The following PTPN13 variants were observed in gnomAD, a reference collection of about 807,000 sequenced individuals.
PTPN13 encodes tyrosine-protein phosphatase non-receptor type 13.
In PTPN13, 191 loss-of-function variants were observed where a neutral mutation model predicts 284.0. The observed-to-expected ratio is 0.67, with a 90% CI of 0.60 to 0.76. The LOEUF (loss-of-function observed/expected upper bound fraction) is 0.76, where lower values mean the gene tolerates loss of function less well. Among genes scored for constraint, PTPN13 ranks in the 30% least tolerant of loss-of-function variants. PTPN13 has a pLI of 0.00. For missense variants in PTPN13, 2,797 were observed against 2,939.9 expected, an observed-to-expected ratio of 0.95 and a Z score of 1.12; for synonymous variants, 986 against 1,022.3, an observed-to-expected ratio of 0.96 and a Z score of 0.68.
At position 86,751,026 on chromosome 4, in the gene PTPN13, G is replaced by GT. The variant is rs781536966; in HGVS notation, c.3070dup (p.Ser1024PhefsTer9). The GT allele has an allele frequency of 1.2e-6, 2 of 1,601,576 alleles. No homozygotes were observed. The highest frequency in any genetic ancestry group is 3.3e-5 in the Admixed American group (2 of 59,728). The stretch of plus-strand genomic sequence containing the variant: ...CTCCTACCTTCCTTTTCCCTCTTCA[G>GT]TTCAAAGTCTGTTGCGAGTTTAAAT... On this transcript the variant is annotated frameshift_variant and splice_region_variant. Coordinates refer to ENST00000411767, the MANE Select transcript of PTPN13 (RefSeq NM_080683.3). LOFTEE classifies it high-confidence loss of function.
intron 2 of PTPN13, among the ~76,000 whole-genome samples, chr4:86,640,046 C>G (rs922235976): frequency 6.6e-6 from 1 of 152,072 alleles, no homozygotes; most frequent in African/African-American, 2.4e-5. Flanking sequence ...ACAGGAAGGT[C>G]TAGAGACAGG....
Position 86,767,829 on chromosome 4 carries a change from T to C in PTPN13, c.4342T>C (p.Leu1448=), listed in dbSNP as rs560176147. The C allele has an allele frequency of 1.4e-5, 22 of 1,579,902 alleles. No homozygotes were observed. The Admixed American group carries it at 2.4e-4, about 17-fold the overall frequency. ...LRNTGQVVHL[L]LEKGQSPTSK... ...TTTACTTATCCAGGTGGTTCATCTG[T>C]TATTAGAAAAGGGACAATCTCCAAC... The change falls in exon 28 of 48, where the codon TTA becomes CTA. Residue 1448 remains leucine, a synonymous_variant. Coordinates refer to ENST00000411767, the MANE Select transcript of PTPN13 (RefSeq NM_080683.3).
intron 4 of PTPN13, among the ~76,000 whole-genome samples, chr4:86,688,662 C>T (rs1729686645): frequency 6.6e-6 from 1 of 151,820 alleles, no homozygotes; most frequent in African/African-American, 2.4e-5. Context: ...GTTTATTCCC[C>T]CAAATGGTGT....
chr4:86,636,298 C>T (rs894395560), intron 2 of PTPN13, among the ~76,000 whole-genome samples: 4 of 152,136 alleles, frequency 2.6e-5, no homozygotes, highest in Non-Finnish European at 4.4e-5. Context: ...AATGGTTTTG[C>T]GGCATTGTGG....
intron 2 of PTPN13, among the ~76,000 whole-genome samples, chr4:86,637,402 T>C (rs1377563522): frequency 6.6e-6 from 1 of 151,812 alleles, no homozygotes; most frequent in African/African-American, 2.4e-5. Flanking sequence ...ACCAATATCC[T>C]TGATGAACAT....
intron 32 of PTPN13, 40 bp from the exon 33 acceptor site, chr4:86,774,333 G>T: frequency 6.5e-7 from 1 of 1,547,114 alleles, no homozygotes; most frequent in East Asian, 2.3e-5. Context: ...CTATAGTGCA[G>T]AATAGACAAC....
At chr4:86,747,581 C>CAGT (rs920339764) in intron 17 of PTPN13, among the ~76,000 whole-genome samples, 105 of 127,790 alleles carry the variant, frequency 8.2e-4, no homozygotes, top group East Asian at 9.9e-4. Flanking sequence ...GCAGCAGCAG[C>CAGT]AGTAGTAGTA....
chr4:86,684,843 G>A (rs959780645), intron 3 of PTPN13, among the ~76,000 whole-genome samples: 1 of 152,184 alleles, frequency 6.6e-6, no homozygotes. Context: ...AAGTGGCCCA[G>A]AAGATGAGCT....
chr4:86,671,822 A>C (rs965243585), intron 2 of PTPN13, among the ~76,000 whole-genome samples: 2 of 152,238 alleles, frequency 1.3e-5, no homozygotes, highest in Admixed American at 6.5e-5. Flanking sequence ...TTTCAAAGGA[A>C]TTGATTTCTA....
intron 2 of PTPN13, among the ~76,000 whole-genome samples, chr4:86,657,224 C>G (rs1427854952): frequency 6.6e-6 from 1 of 152,140 alleles, no homozygotes; most frequent in Non-Finnish European, 1.5e-5. Flanking sequence ...GTGGGCTGCA[C>G]CCACTGTCCT....
intron 45 of PTPN13, 52 bp downstream of exon 45, chr4:86,807,949 C>A: frequency 6.8e-7 from 1 of 1,475,922 alleles, no homozygotes; most frequent in Non-Finnish European, 9.2e-7. Flanking sequence ...TAGTTGTAAT[C>A]CAAGCCTGGA....
chr4:86,727,027 T>C (rs1734349170), intron 10 of PTPN13, among the ~76,000 whole-genome samples: 1 of 149,718 alleles, frequency 6.7e-6, no homozygotes, highest in Admixed American at 6.7e-5. Flanking sequence ...CATGAAGGGC[T>C]GTTTAATTGT....
At chr4:86,757,309 GTTA>G (rs1738092590) in intron 20 of PTPN13, among the ~76,000 whole-genome samples, 1 of 152,120 alleles carries the variant, frequency 6.6e-6, no homozygotes, top group African/African-American at 2.4e-5. Context: ...ACTGATACTA[GTTA>G]TTATGTTGAG....
intron 25 of PTPN13, among the ~76,000 whole-genome samples, chr4:86,765,068 T>C (rs1739141609): frequency 6.6e-6 from 1 of 152,192 alleles, no homozygotes; most frequent in Non-Finnish European, 1.5e-5. Flanking sequence ...ACATTATTAG[T>C]AATTAAAGAC....
chr4:86,754,694 A>T (rs1372167643), intron 20 of PTPN13, among the ~76,000 whole-genome samples: 2 of 152,094 alleles, frequency 1.3e-5, no homozygotes, highest in East Asian at 3.8e-4. Flanking sequence ...AAGAAGCTGG[A>T]TAATAATCTA....
chr4:86,799,276 C>T (rs1054276385), intron 42 of PTPN13, 72 bp downstream of exon 42: 83 of 887,872 alleles, frequency 9.3e-5, no homozygotes, highest in Non-Finnish European at 1.4e-5. Context: ...GATTTTCAGA[C>T]TATATGGATA....
At chr4:86,741,935 C>T in intron 16 of PTPN13, 119 bp downstream of exon 16, 4 of 734,614 alleles carry the variant, frequency 5.4e-6, no homozygotes, top group South Asian at 5.8e-5. Context: ...CATCTTAATA[C>T]TATTTAACTC....
At chr4:86,739,349 G>A (rs1735892071) in intron 15 of PTPN13, among the ~76,000 whole-genome samples, 1 of 152,136 alleles carries the variant, frequency 6.6e-6, no homozygotes, top group South Asian at 2.1e-4. Flanking sequence ...AAAAGAAACA[G>A]GTTTAATGGA....
chr4:86,741,764 G>A lies in PTPN13; in HGVS notation c.2435G>A (p.Arg812His), dbSNP rs368764035. ...GTGTTTGAAGTTCACAATGGAGTGCGCACATTGGTCCTTCGCTTTCCATGG... is the reference window on the plus strand; with the variant it reads ...GTGTTTGAAGTTCACAATGGAGTGCACACATTGGTCCTTCGCTTTCCATGG... ...VLVFEVHNGV[R>H]TLVLRFPWRE... The change falls in exon 16 of 48, where the codon CGC (arginine) becomes CAC (histidine). Residue 812 changes from arginine to histidine, a missense_variant. By Grantham distance (29) the Arg-to-His change is conservative (BLOSUM62 0). Coordinates refer to ENST00000411767, the MANE Select transcript of PTPN13 (RefSeq NM_080683.3). 2.4e-5 allele frequency: 38 copies of A among 1,612,122 alleles called. No individual in the cohort carries two copies. Among genetic ancestry groups the A allele is most frequent in the South Asian group, 3.3e-5 (3 of 90,680 alleles).
Sources: allele counts gnomAD v4.1 joint callset (sites outside exome capture counted in the v4.1 genomes callset), GRCh38; gene constraint gnomAD v4.1.1; transcripts MANE v1.5; gene names NCBI Gene and HGNC (gene_info 2026-07-23, HGNC 2026-07-21).